The following ITFG1 variants were observed in gnomAD, a reference collection of about 807,000 sequenced individuals.
ITFG1 encodes the protein integrin alpha FG-GAP repeat containing 1, also known as T-cell immunomodulatory protein.
A neutral mutation model predicts 81.8 loss-of-function variants in ITFG1; 34 were observed. The ratio of observed to expected loss-of-function variants is 0.42; its 90% confidence interval spans 0.32 to 0.55. The LOEUF (loss-of-function observed/expected upper bound fraction) is 0.55, where lower values mean the gene tolerates loss of function less well. Ranked by LOEUF, ITFG1 falls within the 20% of genes least tolerant of loss-of-function variation. ITFG1 has a pLI of 0.17. For missense variants in ITFG1, 672 were observed against 755.4 expected (o/e 0.89, Z 1.29); for synonymous variants, 285 against 270.6 (o/e 1.05, Z -0.52).
At chr16:47,198,064 A>G (rs934843606) in intron 14 of ITFG1, among the ~76,000 whole-genome samples, 5 of 152,240 alleles carry the variant, frequency 3.3e-5, no homozygotes, top group African/African-American at 9.6e-5. Context: ...TTGAAGTTTA[A>G]GAAAACAAAA....
chr16:47,365,010 G>C (rs1968156865), intron 8 of ITFG1, among the ~76,000 whole-genome samples: 1 of 152,204 alleles, frequency 6.6e-6, no homozygotes, highest in Non-Finnish European at 1.5e-5. Context: ...CTTGCTATAA[G>C]CCTGTCACTG....
At chr16:47,352,723 A>T (rs994723730) in intron 8 of ITFG1, among the ~76,000 whole-genome samples, 1 of 152,220 alleles carries the variant, frequency 6.6e-6, no homozygotes, top group Non-Finnish European at 1.5e-5. Context: ...TACCCAAAGG[A>T]ATATAAATCA....
chr16:47,441,167 T>C (rs1366840488), intron 5 of ITFG1, among the ~76,000 whole-genome samples: 2 of 152,142 alleles, frequency 1.3e-5, no homozygotes, highest in Non-Finnish European at 2.9e-5. Context: ...TAACAGGCTC[T>C]GAAATTGAGG....
intron 12 of ITFG1, among the ~76,000 whole-genome samples, chr16:47,257,469 T>C (rs956527668): frequency 6.6e-6 from 1 of 152,156 alleles, no homozygotes; most frequent in Non-Finnish European, 1.5e-5. Flanking sequence ...AGGTGGAGGA[T>C]ACTACTAGCA....
intron 13 of ITFG1, among the ~76,000 whole-genome samples, chr16:47,219,641 G>C (rs1313875407): frequency 6.6e-6 from 1 of 152,108 alleles, no homozygotes; most frequent in Non-Finnish European, 1.5e-5. Context: ...ACATTCTTTT[G>C]AATATTTTTC....
chr16:47,318,184 T>A (rs891994083), intron 8 of ITFG1, among the ~76,000 whole-genome samples: 2 of 152,222 alleles, frequency 1.3e-5, no homozygotes, highest in Non-Finnish European at 2.9e-5. Flanking sequence ...CAGTTTCTTG[T>A]CTAACCTTCC....
chr16:47,389,842 GA>G (rs1488665299), intron 6 of ITFG1, among the ~76,000 whole-genome samples: 1 of 152,178 alleles, frequency 6.6e-6, no homozygotes, highest in Non-Finnish European at 1.5e-5. Flanking sequence ...AATATTCACT[GA>G]AAGCAAAAGA....
At chr16:47,360,041 T>G (rs1369664897) in intron 8 of ITFG1, among the ~76,000 whole-genome samples, 1 of 152,234 alleles carries the variant, frequency 6.6e-6, no homozygotes, top group African/African-American at 2.4e-5. Flanking sequence ...AAACGTTTTT[T>G]GAATTCATTA....
intron 5 of ITFG1, among the ~76,000 whole-genome samples, chr16:47,433,896 ATATATATATAGTTG>A: frequency 8.2e-6 from 1 of 122,164 alleles, no homozygotes; most frequent in African/African-American, 3.4e-5. Flanking sequence ...ATATATATAT[ATATATATATAGTTG>A]TCAATAAGAA....
chr16:47,419,448 T>C, intron 6 of ITFG1, among the ~76,000 whole-genome samples: 1 of 152,024 alleles, frequency 6.6e-6, no homozygotes, highest in Admixed American at 6.6e-5. Flanking sequence ...TTTTAGTACT[T>C]TTTTGTAAAG....
chr16:47,342,430 C>T (rs545748194), intron 8 of ITFG1, among the ~76,000 whole-genome samples: 1 of 152,164 alleles, frequency 6.6e-6, no homozygotes, highest in South Asian at 2.1e-4. Flanking sequence ...AAAACATTCC[C>T]CCTAAGTTCA....
intron 12 of ITFG1, among the ~76,000 whole-genome samples, chr16:47,252,663 A>G (rs1966091413): frequency 6.6e-6 from 1 of 152,194 alleles, no homozygotes; most frequent in Non-Finnish European, 1.5e-5. Context: ...TGCTGTGCGT[A>G]AGAGAAGCAG....
At chr16:47,280,777 G>C (rs1033028690) in intron 10 of ITFG1, among the ~76,000 whole-genome samples, 9 of 152,040 alleles carry the variant, frequency 5.9e-5, no homozygotes, top group Admixed American at 1.3e-4. Context: ...AAGAGAGGAG[G>C]AGCAGCTTGA....
In ITFG1 at chr16:47,388,579, T is replaced by C. The variant is rs1007002546; in HGVS notation, c.656-12639A>G. The stretch of plus-strand genomic sequence containing the variant: ...CCAAATGACGGAAGAAAAAAGCTCC[T>C]GTCAACCAAAAGTCCTACATTCAGG... On this transcript the variant is annotated intron_variant, in intron 6 of 17. Transcript: ENST00000320640. 4.6e-5 allele frequency among the ~76,000 whole-genome samples: 7 copies of C among 152,154 alleles called. 1 individual carries two copies. The highest frequency in any genetic ancestry group is 3.9e-4 in the Admixed American group (6 of 15,268).
chr16:47,176,330 AG>A (rs1171253213), intron 14 of ITFG1, among the ~76,000 whole-genome samples: 8 of 152,350 alleles, frequency 5.3e-5, no homozygotes, highest in South Asian at 4.1e-4. Flanking sequence ...TTTTTAAATA[AG>A]AAAATATGAG....
intron 5 of ITFG1, among the ~76,000 whole-genome samples, chr16:47,446,336 C>T (rs1201169264): frequency 6.6e-6 from 1 of 152,140 alleles, no homozygotes; most frequent in East Asian, 1.9e-4. Flanking sequence ...CTCAAAGGTG[C>T]AGTTCTGGAT....
At chr16:47,343,771 A>G (rs1284652723) in intron 8 of ITFG1, among the ~76,000 whole-genome samples, 1 of 152,186 alleles carries the variant, frequency 6.6e-6, no homozygotes, top group East Asian at 1.9e-4. Flanking sequence ...AAATGTTTAC[A>G]TTATAGAAAT....
intron 8 of ITFG1, among the ~76,000 whole-genome samples, chr16:47,344,626 T>G (rs1184603885): frequency 6.6e-6 from 1 of 152,222 alleles, no homozygotes; most frequent in Non-Finnish European, 1.5e-5. Flanking sequence ...TTATTTAAGT[T>G]TTAATGTTTG....
At chr16:47,290,367 G>C (rs1036060131) in intron 10 of ITFG1, among the ~76,000 whole-genome samples, 1 of 152,084 alleles carries the variant, frequency 6.6e-6, no homozygotes, top group Non-Finnish European at 1.5e-5. Flanking sequence ...GTTTTTGTTG[G>C]TTTTATGTCC....
Sources: allele counts gnomAD v4.1 joint callset (sites outside exome capture counted in the v4.1 genomes callset), GRCh38; gene constraint gnomAD v4.1.1; transcripts MANE v1.5; gene names NCBI Gene and HGNC (gene_info 2026-07-23, HGNC 2026-07-21).